Variants in GATD1 observed in about 807,000 individuals in gnomAD.
GATD1 encodes the protein glutamine amidotransferase-like class 1 domain-containing protein 1.
In GATD1, 23 loss-of-function variants were observed where a neutral mutation model predicts 25.9. The ratio of observed to expected loss-of-function variants is 0.89; its 90% confidence interval spans 0.64 to 1.26. GATD1 has a LOEUF of 1.26. Ranked by LOEUF, GATD1 falls within the 50% of genes most tolerant of loss-of-function variation. GATD1 has a pLI of 0.00. For synonymous variants in GATD1, 177 were observed against 134.6 expected, an observed-to-expected ratio of 1.31 and a Z score of -2.18; for missense variants, 347 against 312.5, an observed-to-expected ratio of 1.11 and a Z score of -0.83.
chr11:775,090 GA>G lies in GATD1; in HGVS notation c.116del (p.Phe39SerfsTer18). The G allele has an allele frequency of 6.2e-7, 1 of 1,605,276 alleles. No homozygotes were observed. The highest frequency in any genetic ancestry group is 8.5e-7 in the Non-Finnish European group (1 of 1,177,092). ...LHCFTMASTA[F>X]NLQVATPGGK... ...CCCCAGGGGTGGCCACCTGCAGGTT[GA>G]AGGCGGTGCTGGCCATCGTGAAACA... On this transcript the variant is annotated frameshift_variant, in exon 2 of 8. Coordinates refer to ENST00000319863, the MANE Select transcript of GATD1 (RefSeq NM_182612.4). LOFTEE classifies it high-confidence loss of function.
chr11:777,129 G>A (rs974239424), intron 1 of GATD1: 2 of 277,252 alleles, frequency 7.2e-6, no homozygotes, highest in Non-Finnish European at 1.3e-5. Flanking sequence ...ACTCGGAGGA[G>A]CGACGCGGCG....
Position 770,634 on chromosome 11 carries a change from T to C in GATD1, c.*263A>G, listed in dbSNP as rs1863344264. Reference sequence around the variant, plus strand: ...GAATTCCCGAGGACCACCTAGCAGCTAGCACAGCTCTCCAGGCACGTGGGG... The same window carrying C: ...GAATTCCCGAGGACCACCTAGCAGCCAGCACAGCTCTCCAGGCACGTGGGG... On this transcript the variant is annotated 3_prime_UTR_variant, in exon 8 of 8. Transcript: ENST00000319863. 2 of 1,418,974 alleles carry C rather than the reference T, an allele frequency of 1.4e-6. No individual in the cohort carries two copies. Among genetic ancestry groups the C allele is most frequent in the Admixed American group, 2.9e-5 (1 of 34,688 alleles). 87.9% of individuals were successfully genotyped at this position (1,418,974 alleles called of 1,614,324 possible).
rs113697813 is a variant in GATD1 at position 771,471 on chromosome 11, C to T, written c.451-45G>A. The T allele has an allele frequency of 3.5e-3, 5,205 of 1,491,358 alleles. 128 individuals carry two copies. The African/African-American group carries it at 0.062, about 18-fold the overall frequency. The allele number at this position is 1,491,358 out of a possible 1,614,324, so 92.4% of individuals were successfully genotyped here. A position where few individuals can be genotyped will look rare whatever the true frequency, so the allele number is the denominator to read the frequency against. On this transcript the variant is annotated intron_variant, in intron 5 of 7. Coordinates refer to ENST00000319863, the MANE Select transcript of GATD1 (RefSeq NM_182612.4). ...GCTCCTGAGACAGGCCCAGGCCCTG[C>T]GGCCCACCCCAGGGGTCAGGAAGGT...
rs1863194488 is a variant in GATD1 at position 768,649 on chromosome 11, T to A, written c.*2248A>T. On this transcript the variant is annotated 3_prime_UTR_variant, in exon 8 of 8. Transcript: ENST00000319863. ...GCCTGGGCGACAGAGTGAGACTCCA[T>A]CCAAAAAATAAAATAAAAATAAAAA... 6.7e-6 allele frequency: 1 copy of A among 150,022 alleles called. No individual in the cohort carries two copies. Among genetic ancestry groups the A allele is most frequent in the African/African-American group, 2.5e-5 (1 of 40,686 alleles). The allele number at this position is 150,022 out of a possible 1,614,324, so 9.3% of individuals were successfully genotyped here.
At chr11:771,602 G>T in intron 5 of GATD1, 176 bp from the exon 6 acceptor site, 1 of 1,384,138 alleles carries the variant, frequency 7.2e-7, no homozygotes, top group Non-Finnish European at 9.3e-7. Flanking sequence ...ACAAAGTCTA[G>T]CCATCTTCCC....
intron 6 of GATD1, 21 bp downstream of exon 6, chr11:771,312 G>A (rs900671236): frequency 6.2e-7 from 1 of 1,604,852 alleles, no homozygotes; most frequent in Admixed American, 1.7e-5. Flanking sequence ...TGTAAGTGCA[G>A]GGGGCACCCT....
In GATD1 at chr11:775,120, G is replaced by C. The variant is rs1230221483; in HGVS notation, c.87C>G (p.Leu29=). ...AAEGVSAQSF[L]HCFTMASTAF... is the part of the protein sequence containing the mutation. ...CGGTGCTGGCCATCGTGAAACAGTG[G>C]AGGAAGGACTGGGCCGACACACCTG... The change falls in exon 2 of 8, where the codon CTC becomes CTG. Residue 29 remains leucine (L), a synonymous_variant. Coordinates refer to ENST00000319863, the MANE Select transcript of GATD1 (RefSeq NM_182612.4). 1 of 1,605,362 alleles carries C rather than the reference G, an allele frequency of 6.2e-7. No individual in the cohort carries two copies. The highest frequency in any genetic ancestry group is 1.3e-5 in the African/African-American group (1 of 74,884).
In GATD1 at chr11:767,275, T is replaced by C. The variant is rs1349159841; in HGVS notation, c.*3622A>G. The C allele has an allele frequency of 1.3e-6, 2 of 1,536,078 alleles. No individual in the cohort carries two copies. The highest frequency in any genetic ancestry group is 1.7e-6 in the Non-Finnish European group (2 of 1,146,886). ...TCATGGGTAGATGAACACACACTGGTATATGGGGAAATCCTCACCCGCCCT... is the reference window on the plus strand; with the variant it reads ...TCATGGGTAGATGAACACACACTGGCATATGGGGAAATCCTCACCCGCCCT... On this transcript the variant is annotated 3_prime_UTR_variant, in exon 8 of 8. Coordinates refer to ENST00000319863, the MANE Select transcript of GATD1 (RefSeq NM_182612.4).
At chr11:771,835 G>A (rs1192423040) in intron 5 of GATD1, among the ~76,000 whole-genome samples, 2 of 152,116 alleles carry the variant, frequency 1.3e-5, no homozygotes, top group African/African-American at 4.8e-5. Flanking sequence ...CCCTCGGAGG[G>A]CACCACTGAG....
Position 770,260 on chromosome 11 carries a change from C to T in GATD1, c.*637G>A. 1 of 1,442,454 alleles carries T rather than the reference C, an allele frequency of 6.9e-7. No individual in the cohort carries two copies. The allele number at this position is 1,442,454 out of a possible 1,614,324, so 89.4% of individuals were successfully genotyped here. On this transcript the variant is annotated 3_prime_UTR_variant, in exon 8 of 8. Coordinates refer to ENST00000319863, the MANE Select transcript of GATD1 (RefSeq NM_182612.4). ...TGAGAATCTCATGGTCTCATATTCA[C>T]AAGTAAACGTGCCTCTCAATGCTTA...
chr11:770,551 C>T lies in GATD1; in HGVS notation c.*346G>A, dbSNP rs971906441. Reference sequence around the variant, plus strand: ...CACACAGAGGACCCCCGAGCCGACTCTGTCTAGTCAACAGTGACCACACGT... The same window carrying T: ...CACACAGAGGACCCCCGAGCCGACTTTGTCTAGTCAACAGTGACCACACGT... On this transcript the variant is annotated 3_prime_UTR_variant, in exon 8 of 8. Coordinates refer to ENST00000319863, the MANE Select transcript of GATD1 (RefSeq NM_182612.4). 31 of 1,414,062 alleles carry T rather than the reference C, an allele frequency of 2.2e-5. No homozygotes were observed. The highest frequency in any genetic ancestry group is 2.9e-5 in the Admixed American group (1 of 34,674). The allele number at this position is 1,414,062 out of a possible 1,614,324, so 87.6% of individuals were successfully genotyped here. A position where few individuals can be genotyped will look rare whatever the true frequency, so the allele number is the denominator to read the frequency against.
Position 770,400 on chromosome 11 carries a change from TA to T in GATD1, c.*496del. 1 of 1,522,440 alleles carries T rather than the reference TA, an allele frequency of 6.6e-7. No individual in the cohort carries two copies. The highest frequency in any genetic ancestry group is 8.8e-7 in the Non-Finnish European group (1 of 1,141,130). 94.3% of individuals were successfully genotyped at this position (1,522,440 alleles called of 1,614,324 possible). A position where few individuals can be genotyped will look rare whatever the true frequency, so the allele number is the denominator to read the frequency against. ...CCTTGGGGCAGGAGGCTGCTGCTCC[TA>T]AAAAATTCCGTTCACCTTTGGCCAA... On this transcript the variant is annotated 3_prime_UTR_variant, in exon 8 of 8. Transcript: ENST00000319863.
At chr11:774,913 G>A (rs1295073855) in intron 2 of GATD1, among the ~76,000 whole-genome samples, 153 bp downstream of exon 2, 3 of 152,026 alleles carry the variant, frequency 2.0e-5, no homozygotes, top group African/African-American at 2.4e-5. Flanking sequence ...ACAGGGGGAC[G>A]CCACCAGGGT....
At chr11:776,241 A>G (rs980503060) in intron 1 of GATD1, among the ~76,000 whole-genome samples, 2 of 152,046 alleles carry the variant, frequency 1.3e-5, no homozygotes, top group African/African-American at 4.8e-5. Context: ...TCAGCCTCCC[A>G]AAGTGCTGGG....
In GATD1 at chr11:773,606, T is replaced by C; in HGVS notation, c.271A>G (p.Ile91Val). The C allele has an allele frequency of 1.9e-6, 3 of 1,608,760 alleles. No homozygotes were observed. Among genetic ancestry groups the C allele is most frequent in the Non-Finnish European group, 2.5e-6 (3 of 1,178,644 alleles). ...GTCAGGGCCCCAGGACAGCTGGGGA[T>C]CAGGAGGGCATGGTACCGGGCACCT... ...IDGARYHALL[I>V]PSCPGALTDL... The change falls in exon 4 of 8, where the codon ATC (isoleucine) becomes GTC (valine). Residue 91 changes from isoleucine to valine, a missense_variant. By Grantham distance (29) the Ile-to-Val change is conservative (BLOSUM62 3). Transcript: ENST00000319863.
At chr11:777,291 C>T (rs1864098469) in intron 1 of GATD1, 108 bp downstream of exon 1, 1 of 924,346 alleles carries the variant, frequency 1.1e-6, no homozygotes, top group Non-Finnish European at 1.4e-6. Context: ...CCAGCGGCCT[C>T]GGCCTCCGGC....
chr11:773,468 T>C, intron 4 of GATD1, 54 bp downstream of exon 4: 2 of 1,434,420 alleles, frequency 1.4e-6, no homozygotes, highest in Non-Finnish European at 1.9e-6. Context: ...GGGAGACCCA[T>C]TTCTTGTGAC....
At chr11:777,378 G>A in intron 1 of GATD1, 21 bp downstream of exon 1, 1 of 1,292,966 alleles carries the variant, frequency 7.7e-7, no homozygotes, top group Non-Finnish European at 9.8e-7. Flanking sequence ...TCGGACACTG[G>A]CCCCGGCCGC....
At chr11:771,281 G>C in intron 6 of GATD1, 52 bp downstream of exon 6, 1 of 1,587,296 alleles carries the variant, frequency 6.3e-7, no homozygotes, top group South Asian at 1.1e-5. Context: ...CTGCAGCAGG[G>C]AAGCCCCCCA....
Sources: gnomAD v4.1 joint callset for allele counts (sites outside exome capture counted in the v4.1 genomes callset) on GRCh38, gnomAD v4.1.1 for gene constraint, MANE v1.5 for transcripts, NCBI Gene and HGNC (gene_info 2026-07-23, HGNC 2026-07-21) for gene names.